The following BLTP1 variants were observed in gnomAD, a reference collection of about 807,000 sequenced individuals.
BLTP1 encodes fragile site-associated protein.
chr4:122,254,672 T>C, the BLTP1 span: 1 of 1,216,058 alleles, frequency 8.2e-7, no homozygotes, highest in Non-Finnish European at 1.1e-6. Context: ...CTTTCATAAT[T>C]TATCAGTGCT....
chr4:122,250,617 A>ATGT, the BLTP1 span: 3 of 1,569,978 alleles, frequency 1.9e-6, no homozygotes, highest in African/African-American at 4.1e-5. Context: ...CTTTAGAAAA[A>ATGT]TAACAAAGAA....
At chr4:122,297,328 GA>G in the BLTP1 span, among the ~76,000 whole-genome samples, 1 of 152,208 alleles carries the variant, frequency 6.6e-6, no homozygotes, top group African/African-American at 2.4e-5. Flanking sequence ...GATCATCAGA[GA>G]AATGCAAATC....
At chr4:122,268,772 C>T in the BLTP1 span, among the ~76,000 whole-genome samples, 639 of 152,240 alleles carry the variant, frequency 4.2e-3, 2 homozygotes, top group African/African-American at 0.014. Flanking sequence ...AAGGAGGCAA[C>T]ACAAGTAACT....
chr4:122,359,393 A>G, the BLTP1 span: 3 of 920,156 alleles, frequency 3.3e-6, no homozygotes, highest in Non-Finnish European at 3.9e-6. Context: ...AGAATTATCA[A>G]TAATTGGTAC....
the BLTP1 span, among the ~76,000 whole-genome samples, chr4:122,212,254 TA>T: frequency 6.6e-6 from 1 of 152,184 alleles, no homozygotes; most frequent in Admixed American, 6.5e-5. Context: ...TAACTTAGTA[TA>T]AAAGATGCAA....
the BLTP1 span, among the ~76,000 whole-genome samples, chr4:122,335,752 T>C: frequency 6.6e-6 from 1 of 152,132 alleles, no homozygotes; most frequent in Non-Finnish European, 1.5e-5. Context: ...GAAGCAGATA[T>C]ATTTAGTTAG....
chr4:122,272,648 G>A, the BLTP1 span, among the ~76,000 whole-genome samples: 3 of 151,802 alleles, frequency 2.0e-5, no homozygotes, highest in Admixed American at 6.6e-5. Context: ...ACCTATACTC[G>A]GTGACATTTA....
At chr4:122,325,639 A>G in the BLTP1 span, 1 of 1,097,418 alleles carries the variant, frequency 9.1e-7, no homozygotes, top group East Asian at 6.0e-5. Flanking sequence ...TCTTACACAA[A>G]TGTAAACGTG....
the BLTP1 span, chr4:122,258,600 A>G: frequency 1.4e-6 from 2 of 1,393,748 alleles, no homozygotes; most frequent in Non-Finnish European, 1.9e-6. Flanking sequence ...GTCAAGGAAT[A>G]TGAAAGTTGA....
the BLTP1 span, chr4:122,271,775 A>G: frequency 3.9e-5 from 46 of 1,191,444 alleles, no homozygotes; most frequent in Admixed American, 3.6e-4. Context: ...TAACAATAAT[A>G]CCAAAGAAGC....
the BLTP1 span, chr4:122,167,717 T>C: frequency 1.0e-6 from 1 of 985,240 alleles, no homozygotes; most frequent in African/African-American, 1.7e-5. Flanking sequence ...GTCATGCCAT[T>C]GGATACTTAA....
chr4:122,249,689 AT>A, the BLTP1 span: 1 of 1,613,270 alleles, frequency 6.2e-7, no homozygotes, highest in South Asian at 1.1e-5. Context: ...AAAGGCAAGC[AT>A]TTTTTATTGA....
the BLTP1 span, chr4:122,348,867 T>C: frequency 6.6e-6 from 4 of 602,496 alleles, no homozygotes; most frequent in African/African-American, 1.9e-5. Flanking sequence ...TGAAAATGGC[T>C]TAATTCTAAG....
At chr4:122,198,875 G>A in the BLTP1 span, among the ~76,000 whole-genome samples, 2 of 152,122 alleles carry the variant, frequency 1.3e-5, no homozygotes, top group African/African-American at 4.8e-5. Flanking sequence ...GTGTTCATAG[G>A]AAGAGATTTC....
chr4:122,189,100 A>G, the BLTP1 span: 7 of 967,890 alleles, frequency 7.2e-6, no homozygotes, highest in Non-Finnish European at 7.4e-6. Flanking sequence ...TTGAAAAATT[A>G]TAGAGAGTAA....
chr4:122,211,321 A>G, the BLTP1 span, among the ~76,000 whole-genome samples: 1 of 150,096 alleles, frequency 6.7e-6, no homozygotes, highest in Non-Finnish European at 1.5e-5. Context: ...ATGTTCTAGG[A>G]ATGGTGCTAG....
chr4:122,336,175 A>G, the BLTP1 span: 1 of 1,548,608 alleles, frequency 6.5e-7, no homozygotes, highest in South Asian at 1.2e-5. Flanking sequence ...ATTAAATGGA[A>G]TTTATAAATG....
At chr4:122,203,306 A>T in the BLTP1 span, among the ~76,000 whole-genome samples, 1 of 151,924 alleles carries the variant, frequency 6.6e-6, no homozygotes, top group Non-Finnish European at 1.5e-5. Flanking sequence ...ATAGAGCCTC[A>T]GAAATGAAAG....
the BLTP1 span, chr4:122,314,161 T>A: frequency 1.0e-6 from 1 of 984,300 alleles, no homozygotes; most frequent in Non-Finnish European, 1.2e-6. Context: ...GGATAAATCT[T>A]TCTTAAGCAA....
Sources: allele counts gnomAD v4.1 joint callset (sites outside exome capture counted in the v4.1 genomes callset), GRCh38; gene constraint gnomAD v4.1.1; transcripts MANE v1.5; gene names NCBI Gene and HGNC (gene_info 2026-07-23, HGNC 2026-07-21).